The following HSPB8 variants were observed in gnomAD, a reference collection of about 807,000 sequenced individuals.
HSPB8 encodes heat shock protein beta-8.
In HSPB8, 9 loss-of-function variants were observed where a neutral mutation model predicts 16.5. The ratio of observed to expected loss-of-function variants is 0.55; its 90% CI spans 0.33 to 0.95. The LOEUF (loss-of-function observed/expected upper bound fraction) is 0.95. Ranked by LOEUF, HSPB8 falls within the 40% of genes least tolerant of loss-of-function variation. HSPB8 has a pLI of 0.03. For missense variants in HSPB8, 238 were observed against 251.2 expected (o/e 0.95, Z 0.35); for synonymous variants, 99 against 94.8 (o/e 1.04, Z -0.26).
intron 1 of HSPB8, among the ~76,000 whole-genome samples, chr12:119,185,996 G>A (rs1338327966): frequency 6.6e-6 from 1 of 151,958 alleles, no homozygotes; most frequent in Non-Finnish European, 1.5e-5. Flanking sequence ...CCACAAATGA[G>A]GAGTGAAAAG....
At chr12:119,189,302 G>GTTGTGT (rs1555223133) in intron 2 of HSPB8, among the ~76,000 whole-genome samples, 3 of 143,304 alleles carry the variant, frequency 2.1e-5, no homozygotes, top group African/African-American at 7.9e-5. Context: ...TCTTAAAAGG[G>GTTGTGT]GTGTGTGTGT....
intron 1 of HSPB8, chr12:119,186,802 C>A (rs760476505): frequency 1.7e-6 from 1 of 573,006 alleles, no homozygotes; most frequent in Non-Finnish European, 3.1e-6. Context: ...CGCCTCCTTT[C>A]CATCAATTAT....
intron 2 of HSPB8, among the ~76,000 whole-genome samples, chr12:119,190,483 A>G (rs1240636469): frequency 1.3e-5 from 2 of 152,202 alleles, no homozygotes; most frequent in Non-Finnish European, 2.9e-5. Flanking sequence ...GGACTGAATA[A>G]GGAGGAGAGG....
In HSPB8 at chr12:119,179,686, C is replaced by T. The variant is rs1158382321; in HGVS notation, c.367+7C>T. 6 of 1,570,628 alleles carry T rather than the reference C, an allele frequency of 3.8e-6. No homozygotes were observed. The Admixed American group carries it at 5.6e-5, about 15-fold the overall frequency. ...GGATACGTGGAGGTGTCTGGTAAGTCAGGGGCAGGAGGGAGAGAGAATGGG... is the reference window on the plus strand; with the variant it reads ...GGATACGTGGAGGTGTCTGGTAAGTTAGGGGCAGGAGGGAGAGAGAATGGG... On this transcript the variant is annotated splice_region_variant and intron_variant, in intron 1 of 2. Coordinates refer to ENST00000281938, the MANE Select transcript of HSPB8 (RefSeq NM_014365.3).
chr12:119,183,315 C>T (rs769763260), intron 1 of HSPB8: 2 of 152,230 alleles, frequency 1.3e-5, no homozygotes, highest in African/African-American at 4.8e-5. Context: ...CCCCTACCCC[C>T]ATCCTGCAAC....
chr12:119,180,467 C>T (rs1592927885), intron 1 of HSPB8, among the ~76,000 whole-genome samples: 1 of 152,288 alleles, frequency 6.6e-6, no homozygotes, highest in East Asian at 1.9e-4. Context: ...AAATCATCCT[C>T]AGTCCACTCC....
Position 119,180,790 on chromosome 12 carries a change from G to A in HSPB8, c.367+1111G>A, listed in dbSNP as rs191673600. 4.6e-5 allele frequency among the ~76,000 whole-genome samples: 7 copies of A among 152,276 alleles called. No individual in the cohort carries two copies. In the East Asian group the frequency reaches 1.3e-3, roughly 29 times the overall value. ...CAGAGGCTTGCCTTCCAGAAAATCA[G>A]TCAAAGCCATTGCAAACACAGGCTG... On this transcript the variant is annotated intron_variant, in intron 1 of 2. Coordinates refer to ENST00000281938, the MANE Select transcript of HSPB8 (RefSeq NM_014365.3).
At chr12:119,191,807 G>T (rs915722060) in intron 2 of HSPB8, among the ~76,000 whole-genome samples, 12 of 152,124 alleles carry the variant, frequency 7.9e-5, no homozygotes, top group African/African-American at 2.9e-4. Context: ...AGGCAGGAGA[G>T]CATCATGGTC....
Position 119,188,777 on chromosome 12 carries a change from G to A in HSPB8, c.431+1689G>A, listed in dbSNP as rs113621123. Among the ~76,000 whole-genome samples, 5 of 152,320 alleles carry A rather than the reference G, an allele frequency of 3.3e-5. 1 individual carries two copies. Among genetic ancestry groups the A allele is most frequent in the African/African-American group, 1.2e-4 (5 of 41,570 alleles). On this transcript the variant is annotated intron_variant, in intron 2 of 2. Transcript: ENST00000281938. ...GAATGCTGTTTCCTCATCTGTGAAA[G>A]GGATGCTGATTCCAGCCTTGCAGAG...
intron 1 of HSPB8, among the ~76,000 whole-genome samples, chr12:119,185,481 G>T (rs1364413635): frequency 6.6e-6 from 1 of 152,038 alleles, no homozygotes; most frequent in Non-Finnish European, 1.5e-5. Context: ...CTATAGGCAC[G>T]TGCCACCATG....
intron 1 of HSPB8, among the ~76,000 whole-genome samples, 187 bp downstream of exon 1, chr12:119,179,866 A>T (rs375391513): frequency 6.6e-6 from 1 of 152,176 alleles, no homozygotes; most frequent in African/African-American, 2.4e-5. Context: ...CCCAGCAGAG[A>T]TCTTAACCTG....
At chr12:119,192,844 C>T (rs1249475709) in intron 2 of HSPB8, among the ~76,000 whole-genome samples, 4 of 152,032 alleles carry the variant, frequency 2.6e-5, no homozygotes, top group East Asian at 1.9e-4. Context: ...GTGAAAGGCA[C>T]GTCTTACATG....
At chr12:119,190,421 T>C (rs1275595091) in intron 2 of HSPB8, among the ~76,000 whole-genome samples, 6 of 152,168 alleles carry the variant, frequency 3.9e-5, no homozygotes, top group African/African-American at 7.2e-5. Context: ...GCCTTAACCA[T>C]GGCAAGGAAA....
intron 1 of HSPB8, among the ~76,000 whole-genome samples, chr12:119,184,824 C>T (rs1954664184): frequency 6.6e-6 from 1 of 152,122 alleles, no homozygotes; most frequent in Admixed American, 6.6e-5. Flanking sequence ...TCTTCAGCAC[C>T]CCAAAGTAGG....
At chr12:119,193,213 T>A (rs967675091) in intron 2 of HSPB8, among the ~76,000 whole-genome samples, 1 of 152,194 alleles carries the variant, frequency 6.6e-6, no homozygotes, top group Non-Finnish European at 1.5e-5. Context: ...CATTTTGTAG[T>A]GAAGCACTCT....
intron 2 of HSPB8, among the ~76,000 whole-genome samples, chr12:119,189,303 GT>G (rs1592931460): frequency 1.4e-3 from 5 of 3,674 alleles, no homozygotes; most frequent in African/African-American, 2.7e-3. Flanking sequence ...CTTAAAAGGG[GT>G]GTGTGTGTGT....
intron 1 of HSPB8, 174 bp from the exon 2 acceptor site, chr12:119,186,851 A>G: frequency 1.5e-6 from 1 of 670,234 alleles, no homozygotes; most frequent in Non-Finnish European, 2.7e-6. Flanking sequence ...AAGTGGACTT[A>G]GGTGGGTCTG....
At chr12:119,179,904 T>G (rs901305288) in intron 1 of HSPB8, among the ~76,000 whole-genome samples, 1 of 152,160 alleles carries the variant, frequency 6.6e-6, no homozygotes, top group Admixed American at 6.5e-5. Flanking sequence ...GGCCTCTGGG[T>G]GCTCATCAAT....
chr12:119,189,600 C>T (rs1477832676), intron 2 of HSPB8, among the ~76,000 whole-genome samples: 1 of 152,124 alleles, frequency 6.6e-6, no homozygotes, highest in Non-Finnish European at 1.5e-5. Context: ...AGATCCCTCG[C>T]ATGCACAGTT....
Sources: gnomAD v4.1 joint callset for allele counts (sites outside exome capture counted in the v4.1 genomes callset) on GRCh38, gnomAD v4.1.1 for gene constraint, MANE v1.5 for transcripts, NCBI Gene and HGNC (gene_info 2026-07-23, HGNC 2026-07-21) for gene names.